The following TNRC18 variants were observed in gnomAD, a reference collection of about 807,000 sequenced individuals.
TNRC18 encodes trinucleotide repeat-containing gene 18 protein.
TNRC18 carries 69 observed loss-of-function variants against 226.7 expected under a neutral mutation model. That is an observed-to-expected ratio of 0.30 (90% confidence interval 0.25 to 0.37). TNRC18 has a LOEUF of 0.37. Among genes scored for constraint, TNRC18 ranks in the 10% least tolerant of loss-of-function variants. The pLI is 1.00. For synonymous variants in TNRC18, 2,449 were observed against 1,927.6 expected (o/e 1.27, Z -7.09); for missense variants, 4,754 against 4,256.6 (o/e 1.12, Z -3.25).
rs777238728 is a variant in TNRC18 at position 5,377,484 on chromosome 7, G to C, written c.2348C>G (p.Pro783Arg). The C allele has an allele frequency of 3.8e-6, 6 of 1,582,204 alleles. No homozygotes were observed. The highest frequency in any genetic ancestry group is 5.1e-6 in the Non-Finnish European group (6 of 1,165,206). Residue 783 changes from proline to arginine, a missense_variant, in exon 7 of 30, where the codon CCG becomes CGG. Coordinates refer to ENST00000430969, the MANE Select transcript of TNRC18 (RefSeq NM_001080495.3). The surrounding 1 kb of genome is among the most constrained non-coding windows in gnomAD (Gnocchi z 5.8). ...LNPNLMVTGG[P>R]ALAGSGRWSA... The stretch of plus-strand genomic sequence containing the variant: ...CCAGCGACCTGAGCCCGCCAGCGCC[G>C]GGCCCCCCGTCACCATGAGGTTGGG...
At chr7:5,352,288 C>G (rs921538146) in intron 16 of TNRC18, among the ~76,000 whole-genome samples, 194 bp from the exon 17 acceptor site, 9 of 152,320 alleles carry the variant, frequency 5.9e-5, no homozygotes, top group Non-Finnish European at 1.2e-4. Context: ...TCTCCCTTGC[C>G]CTGGGTGCCT....
Position 5,332,697 on chromosome 7 carries a change from G to T in TNRC18, c.6072C>A (p.Ser2024Arg). ...PVSTAPATKT[S>R]RCAKGGPLSP... ...TCAGGGGGCCGCCCTTGGCGCAGCG[G>T]CTGGTCTTGGTGGCGGGCGCGGTGC... The change falls in exon 19 of 30, where the codon AGC becomes AGA. Residue 2024 changes from serine to arginine, a missense_variant. Physicochemically the swap from Ser to Arg is moderately radical, Grantham distance 110. Coordinates refer to ENST00000430969, the MANE Select transcript of TNRC18 (RefSeq NM_001080495.3). 6.5e-7 allele frequency: 1 copy of T among 1,531,102 alleles called. No homozygotes were observed. The highest frequency in any genetic ancestry group is 1.2e-5 in the South Asian group (1 of 82,946). 94.8% of individuals were successfully genotyped at this position (1,531,102 alleles called of 1,614,324 possible).
At chr7:5,404,202 C>G (rs1031318333) in intron 2 of TNRC18, among the ~76,000 whole-genome samples, 2 of 152,164 alleles carry the variant, frequency 1.3e-5, no homozygotes, top group African/African-American at 4.8e-5. Context: ...GAAACCCCAT[C>G]TCTACTAAGA....
intron 9 of TNRC18, among the ~76,000 whole-genome samples, chr7:5,374,913 C>T (rs1197678752): frequency 6.6e-6 from 1 of 152,218 alleles, no homozygotes; most frequent in Non-Finnish European, 1.5e-5. Flanking sequence ...CTCAAAAGGC[C>T]CCAAAGAGGG....
rs540705204 is a variant in TNRC18, at chr7:5,407,587, A to G, written c.188-12992T>C. 5.3e-4 allele frequency among the ~76,000 whole-genome samples: 80 copies of G among 152,334 alleles called. 1 individual carries two copies. The South Asian group carries it at 8.5e-3, about 16-fold the overall frequency. ...AATTCCAGTCCCTCTCCCATCCTCA[A>G]ATATGGGCAGGGACTTTGTCTTGCT... On this transcript the variant is annotated intron_variant, in intron 2 of 29. Coordinates refer to ENST00000430969, the MANE Select transcript of TNRC18 (RefSeq NM_001080495.3).
Position 5,361,961 on chromosome 7 carries a change from C to A in TNRC18, c.4468G>T (p.Val1490Leu), listed in dbSNP as rs773926006. The A allele has an allele frequency of 3.5e-5, 57 of 1,612,482 alleles. No homozygotes were observed. Among genetic ancestry groups the A allele is most frequent in the Non-Finnish European group, 4.7e-5 (56 of 1,179,550 alleles). ...ELDFRMRLAE[V>L]QRQYKEKQRE... ...TGCTTCTCCTTGTACTGGCGCTGCA[C>A]CTCGGCCAGCCGCATCCGGAAGTCC... is the stretch of plus-strand genomic sequence containing the variant. The change falls in exon 13 of 30, where the codon GTG becomes TTG. Residue 1490 changes from valine to leucine, a missense_variant. By Grantham distance (32) the Val-to-Leu change is conservative (BLOSUM62 1). Coordinates refer to ENST00000430969, the MANE Select transcript of TNRC18 (RefSeq NM_001080495.3).
chr7:5,358,495 C>T (rs1792689360), intron 15 of TNRC18, among the ~76,000 whole-genome samples: 1 of 152,194 alleles, frequency 6.6e-6, no homozygotes, highest in East Asian at 1.9e-4. Flanking sequence ...CCTCCATGAG[C>T]CTGCCCCTCT....
intron 9 of TNRC18, among the ~76,000 whole-genome samples, chr7:5,375,507 G>A (rs1794572910): frequency 1.3e-5 from 2 of 152,176 alleles, no homozygotes; most frequent in Non-Finnish European, 2.9e-5. Flanking sequence ...GCCTGGCAGA[G>A]CTAAGATTCA....
rs767179395 is a variant in TNRC18 at position 5,361,965 on chromosome 7, G to A, written c.4464C>T (p.Ala1488=). 54 of 1,612,852 alleles carry A rather than the reference G, an allele frequency of 3.3e-5. No homozygotes were observed. Among genetic ancestry groups the A allele is most frequent in the East Asian group, 2.7e-4 (12 of 44,840 alleles). ...ALELDFRMRL[A]EVQRQYKEKQ... Reference sequence around the variant, plus strand: ...TCTCCTTGTACTGGCGCTGCACCTCGGCCAGCCGCATCCGGAAGTCCAGCT... The same window carrying A: ...TCTCCTTGTACTGGCGCTGCACCTCAGCCAGCCGCATCCGGAAGTCCAGCT... The change falls in exon 13 of 30, where the codon GCC becomes GCT. Residue 1488 remains alanine (A), a synonymous_variant. Transcript: ENST00000430969.
At chr7:5,345,876 C>T in intron 17 of TNRC18, 66 bp from the exon 18 acceptor site, 2 of 1,488,298 alleles carry the variant, frequency 1.3e-6, no homozygotes, top group Non-Finnish European at 1.8e-6. Context: ...CCCCACCGCC[C>T]CCTGGCCCAG....
intron 17 of TNRC18, among the ~76,000 whole-genome samples, chr7:5,351,032 G>A (rs1237534457): frequency 6.6e-6 from 1 of 152,066 alleles, no homozygotes; most frequent in African/African-American, 2.4e-5. Flanking sequence ...GAAAATAAAA[G>A]ACAAAACAAG....
intron 19 of TNRC18, among the ~76,000 whole-genome samples, chr7:5,328,847 G>A (rs1343973976): frequency 1.3e-5 from 2 of 152,076 alleles, no homozygotes; most frequent in African/African-American, 2.4e-5. Flanking sequence ...AATTAGCAAG[G>A]TGTGTTGGTG....
At chr7:5,408,816 G>C (rs535355307) in intron 2 of TNRC18, among the ~76,000 whole-genome samples, 225 of 152,264 alleles carry the variant, frequency 1.5e-3, no homozygotes, top group African/African-American at 5.3e-3. Flanking sequence ...TAAAGCCAGG[G>C]ATCACGGAAA....
chr7:5,338,550 C>A (rs1021950160), intron 18 of TNRC18, among the ~76,000 whole-genome samples: 3 of 145,930 alleles, frequency 2.1e-5, no homozygotes, highest in Non-Finnish European at 4.5e-5. Flanking sequence ...CCAGCCTGGG[C>A]AACAGGTAGA....
intron 19 of TNRC18, among the ~76,000 whole-genome samples, chr7:5,327,695 TTC>T (rs1789076292): frequency 6.6e-6 from 1 of 152,182 alleles, no homozygotes; most frequent in African/African-American, 2.4e-5. Context: ...AACTGTTTCT[TTC>T]CCTTTGATCT....
Position 5,312,878 on chromosome 7 carries a change from GGAGGAAGAA to G in TNRC18, c.8004_8012del (p.Ser2669_Ser2671del), listed in dbSNP as rs1787374103. The G allele has an allele frequency of 3.3e-6, 5 of 1,525,682 alleles. No individual in the cohort carries two copies. The highest frequency in any genetic ancestry group is 2.6e-5 in the South Asian group (2 of 76,516). 94.5% of individuals were successfully genotyped at this position (1,525,682 alleles called of 1,614,324 possible). ...TGCAGGAAGAGTCCTCGTCTGTGGT[GGAGGAAGAA>G]GAGGAGGAAGAGGAGGAGGAGGAGG... On this transcript the variant is annotated inframe_deletion, in exon 27 of 30. Transcript: ENST00000430969. The surrounding 1 kb of genome is among the most constrained non-coding windows in gnomAD (Gnocchi z 6.3).
At chr7:5,316,845 G>A (rs1469341831) in intron 24 of TNRC18, among the ~76,000 whole-genome samples, 1 of 152,138 alleles carries the variant, frequency 6.6e-6, no homozygotes, top group African/African-American at 2.4e-5. Context: ...TTTCCTAAGA[G>A]AATCCTGCCA....
At chr7:5,419,433 G>A (rs997660150) in intron 2 of TNRC18, among the ~76,000 whole-genome samples, 8 of 152,154 alleles carry the variant, frequency 5.3e-5, no homozygotes, top group African/African-American at 1.2e-4. Context: ...ACCACTCCGG[G>A]CTGGACCAAA....
At chr7:5,322,712 CT>C (rs1454562919) in intron 21 of TNRC18, among the ~76,000 whole-genome samples, 1 of 152,260 alleles carries the variant, frequency 6.6e-6, no homozygotes, top group African/African-American at 2.4e-5. Flanking sequence ...CTCCCTGCCC[CT>C]GCCAAGACAC....
Sources: allele counts gnomAD v4.1 joint callset (sites outside exome capture counted in the v4.1 genomes callset), GRCh38; gene constraint gnomAD v4.1.1; non-coding constraint Gnocchi (gnomAD v3.1); transcripts MANE v1.5; gene names NCBI Gene and HGNC (gene_info 2026-07-23, HGNC 2026-07-21).